Variants in MTR observed in about 807,000 individuals in gnomAD.
MTR encodes the protein 5-methyltetrahydrofolate-homocysteine methyltransferase.
In MTR, 84 loss-of-function variants were observed where a neutral mutation model predicts 154.8. The ratio of observed to expected loss-of-function variants is 0.54; its 90% CI spans 0.45 to 0.65. The LOEUF is 0.65. MTR is among the 30% of genes least tolerant of loss of function. The probability of loss-of-function intolerance (pLI) is 0.00; values close to 1 mark genes in which losing one functional copy is unlikely to be tolerated. For synonymous variants in MTR, 554 were observed against 553.9 expected (o/e 1.00, Z 0.00); for missense variants, 1,275 against 1,570.2 (o/e 0.81, Z 3.18).
intron 12 of MTR, among the ~76,000 whole-genome samples, chr1:236,830,386 T>G (rs1467946216): frequency 6.6e-6 from 1 of 152,022 alleles, no homozygotes; most frequent in Non-Finnish European, 1.5e-5. Flanking sequence ...TTGCCAAAAT[T>G]GAAACAAGAG....
chr1:236,814,015 C>T (rs757644710), intron 6 of MTR, among the ~76,000 whole-genome samples: 2 of 152,094 alleles, frequency 1.3e-5, no homozygotes, highest in Non-Finnish European at 2.9e-5. Context: ...CTCCGTAGTA[C>T]TTTACAGTTT....
intron 22 of MTR, among the ~76,000 whole-genome samples, chr1:236,870,778 A>G (rs1349743202): frequency 6.6e-6 from 1 of 152,126 alleles, no homozygotes; most frequent in Non-Finnish European, 1.5e-5. Context: ...TGAAAACTGA[A>G]CTAATTGCCA....
Position 236,886,358 on chromosome 1 carries a change from C to A in MTR, c.2842C>A (p.Pro948Thr). Residue 948 changes from proline to threonine, a missense_variant, in exon 27 of 33, where the codon CCT becomes ACT. Transcript: ENST00000366577. ...SGFQMDWLSE[P>T]HPVKPTFIGT... ...TTTCCAAATGGATTGGCTGTCTGAA[C>A]CTCACCCAGGTCTGTTTGGCTATGG... The A allele has an allele frequency of 6.2e-7, 1 of 1,614,130 alleles. No individual in the cohort carries two copies. Among genetic ancestry groups the A allele is most frequent in the Non-Finnish European group, 8.5e-7 (1 of 1,180,000 alleles).
intron 19 of MTR, among the ~76,000 whole-genome samples, chr1:236,860,635 A>T (rs1480924891): frequency 6.6e-6 from 1 of 152,188 alleles, no homozygotes; most frequent in African/African-American, 2.4e-5. Context: ...ACAGCATTAC[A>T]GTGAGAAAAC....
intron 32 of MTR, among the ~76,000 whole-genome samples, 178 bp downstream of exon 32, chr1:236,897,296 C>G (rs1338864355): frequency 2.3e-5 from 1 of 42,622 alleles, no homozygotes; most frequent in South Asian, 7.6e-4. Context: ...CTTCTACATG[C>G]AAGCCACACA....
intron 27 of MTR, among the ~76,000 whole-genome samples, chr1:236,887,042 A>G (rs1428545151): frequency 6.6e-6 from 1 of 152,196 alleles, no homozygotes; most frequent in Non-Finnish European, 1.5e-5. Context: ...TCACAAGGGA[A>G]TAAAACGTGT....
At chr1:236,803,735 A>C in intron 2 of MTR, 93 bp downstream of exon 2, 1 of 1,176,596 alleles carries the variant, frequency 8.5e-7, no homozygotes, top group Non-Finnish European at 1.3e-6. Context: ...AGTGCTCCGG[A>C]GAATAAAGAA....
chr1:236,858,555 GCAGTTGGAT>G (rs1027254465), intron 18 of MTR, among the ~76,000 whole-genome samples: 7 of 152,176 alleles, frequency 4.6e-5, no homozygotes, highest in Admixed American at 4.6e-4. Context: ...TTCACAGGGA[GCAGTTGGAT>G]CAGATTTGCA....
rs756488929 is a variant in MTR at position 236,832,054 on chromosome 1, A to G, written c.1164A>G (p.Lys388=). 4.3e-6 allele frequency: 7 copies of G among 1,613,992 alleles called. No individual in the cohort carries two copies. The Admixed American group carries it at 1.2e-4, about 27-fold the overall frequency. The stretch of plus-strand genomic sequence containing the variant: ...TTGCAGGATCAAGGAAGTTTGCTAA[A>G]CTCATCATGGCAGGAAACTATGAAG... ...CNVAGSRKFA[K]LIMAGNYEEA... is the part of the protein sequence containing the mutation. The change falls in exon 13 of 33, where the codon AAA becomes AAG. Residue 388 remains lysine (K), a synonymous_variant. Coordinates refer to ENST00000366577, the MANE Select transcript of MTR (RefSeq NM_000254.3).
intron 9 of MTR, among the ~76,000 whole-genome samples, chr1:236,824,517 A>G (rs1662169213): frequency 1.3e-5 from 2 of 152,312 alleles, no homozygotes; most frequent in Admixed American, 6.5e-5. Flanking sequence ...AGATGGGTGT[A>G]AGGAAGAGAA....
rs1373145366 is a variant in MTR, at chr1:236,894,359, T to C, written c.3207T>C (p.Ala1069=). 6.2e-6 allele frequency: 10 copies of C among 1,614,100 alleles called. No homozygotes were observed. Among genetic ancestry groups the C allele is most frequent in the Non-Finnish European group, 6.8e-6 (8 of 1,180,036 alleles). The part of the protein sequence containing the change: ...IATFYGLRQQ[A]EKDSASTEPY... ...CTCCTACACTCCTTGGTTTTAAGGC[T>C]GAGAAGGACTCTGCCAGCACGGAGC... is the stretch of plus-strand genomic sequence containing the variant. The change falls in exon 30 of 33, where the codon GCT becomes GCC. Residue 1069 remains alanine (A), a splice_region_variant and synonymous_variant. Transcript: ENST00000366577.
chr1:236,811,779 A>G (rs758319442), intron 5 of MTR: 31 of 433,124 alleles, frequency 7.2e-5, no homozygotes, highest in Non-Finnish European at 1.3e-4. Flanking sequence ...CAGGCCCTCA[A>G]ATAATGTCAT....
Position 236,885,185 on chromosome 1 carries a change from A to G in MTR, c.2741A>G (p.Glu914Gly). The change falls in exon 26 of 33, where the codon GAA becomes GGA. Residue 914 changes from glutamate (E) to glycine (G), a missense_variant. By Grantham distance (98) the Glu-to-Gly change is moderately conservative (BLOSUM62 -2). Coordinates refer to ENST00000366577, the MANE Select transcript of MTR (RefSeq NM_000254.3). ...EYFEEIMEEY[E>G]DIRQDHYESL... Reference sequence around the variant, plus strand: ...TTTGAGGAAATCATGGAAGAATATGAAGATATTAGACAGGACCATTATGAG... The same window carrying G: ...TTTGAGGAAATCATGGAAGAATATGGAGATATTAGACAGGACCATTATGAG... The G allele has an allele frequency of 6.2e-7, 1 of 1,608,264 alleles. No homozygotes were observed. Among genetic ancestry groups the G allele is most frequent in the Non-Finnish European group, 8.5e-7 (1 of 1,174,760 alleles).
At chr1:236,870,175 TAG>T (rs1665047102) in intron 22 of MTR, among the ~76,000 whole-genome samples, 1 of 152,196 alleles carries the variant, frequency 6.6e-6, no homozygotes, top group Admixed American at 6.5e-5. Context: ...TGTGTGGAAA[TAG>T]TGAGAATTGC....
chr1:236,853,626 A>G (rs1387422748), intron 18 of MTR, among the ~76,000 whole-genome samples: 1 of 152,060 alleles, frequency 6.6e-6, no homozygotes, highest in African/African-American at 2.4e-5. Context: ...ATTTTACTTG[A>G]TATTTTTCTA....
intron 13 of MTR, among the ~76,000 whole-genome samples, chr1:236,833,356 A>T (rs572665251): frequency 6.6e-6 from 1 of 152,358 alleles, no homozygotes; most frequent in African/African-American, 2.4e-5. Context: ...CTATCATTTA[A>T]TAAGGTCTTT....
At chr1:236,797,452 C>T (rs1459130801) in intron 1 of MTR, among the ~76,000 whole-genome samples, 1 of 152,008 alleles carries the variant, frequency 6.6e-6, no homozygotes, top group Non-Finnish European at 1.5e-5. Context: ...TTGGTTTCAT[C>T]CTTGCTTAGG....
chr1:236,822,820 C>G (rs1662047478), intron 8 of MTR, among the ~76,000 whole-genome samples: 1 of 152,076 alleles, frequency 6.6e-6, no homozygotes, highest in African/African-American at 2.4e-5. Context: ...CGTATGTGTA[C>G]CTTTTACTTT....
In MTR at chr1:236,860,802, A is replaced by G. The variant is rs4545327; in HGVS notation, c.2044-323A>G. Among the ~76,000 whole-genome samples the G allele has an allele frequency of 0.42, 64,577 of 152,090 alleles. 13,879 individuals carry two copies. The highest frequency in any genetic ancestry group is 0.49 in the East Asian group (2,543 of 5,182). On this transcript the variant is annotated intron_variant, in intron 19 of 32. Transcript: ENST00000366577. The stretch of plus-strand genomic sequence containing the variant: ...TTTTTTAATTGGCATATAAAATTGT[A>G]TGTATTTACTGCATACAACATTCTG...
Sources: allele counts gnomAD v4.1 joint callset (sites outside exome capture counted in the v4.1 genomes callset), GRCh38; gene constraint gnomAD v4.1.1; transcripts MANE v1.5; gene names NCBI Gene and HGNC (gene_info 2026-07-23, HGNC 2026-07-21).